The following DCLK1 variants were observed in gnomAD, a reference collection of about 807,000 sequenced individuals.
DCLK1 encodes the protein serine/threonine-protein kinase DCLK1.
A neutral mutation model predicts 86.2 loss-of-function variants in DCLK1; 16 were observed. The ratio of observed to expected loss-of-function variants is 0.19; its 90% CI spans 0.13 to 0.28. The LOEUF (loss-of-function observed/expected upper bound fraction) is 0.28. Ranked by LOEUF, DCLK1 falls within the 10% of genes least tolerant of loss-of-function variation. The pLI, the probability that DCLK1 is intolerant of heterozygous loss-of-function variation, is 1.00. For missense variants in DCLK1, 590 were observed against 940.2 expected, an observed-to-expected ratio of 0.63 and a Z score of 4.87; for synonymous variants, 369 against 370.5, an observed-to-expected ratio of 1.00 and a Z score of 0.05.
chr13:36,122,196 G>A (rs1225524771), intron 2 of DCLK1, among the ~76,000 whole-genome samples: 1 of 152,066 alleles, frequency 6.6e-6, no homozygotes, highest in African/African-American at 2.4e-5. Context: ...TAACTGTGGG[G>A]TGAAGCATGG....
intron 16 of DCLK1, among the ~76,000 whole-genome samples, chr13:35,788,523 T>C (rs1389779780): frequency 6.6e-6 from 1 of 152,224 alleles, no homozygotes; most frequent in Non-Finnish European, 1.5e-5. Context: ...AAACAAGTTT[T>C]TGAATGACCA....
intron 4 of DCLK1, among the ~76,000 whole-genome samples, chr13:35,896,172 C>T (rs74717281): frequency 0.012 from 1,886 of 152,180 alleles, 30 homozygotes; most frequent in African/African-American, 0.042. Flanking sequence ...TTAGAACACA[C>T]AATTTTCAGA....
At chr13:35,880,204 T>C (rs1279294488) in intron 4 of DCLK1, among the ~76,000 whole-genome samples, 2 of 152,154 alleles carry the variant, frequency 1.3e-5, no homozygotes, top group Non-Finnish European at 2.9e-5. Context: ...TCTGTTAAAA[T>C]TGGATTAGTA....
chr13:36,056,906 A>ATATATAT lies in DCLK1; in HGVS notation c.723+54962_723+54963insATATATA, dbSNP rs1555359541. Among the ~76,000 whole-genome samples the ATATATAT allele has an allele frequency of 1.9e-3, 241 of 130,156 alleles. 2 individuals are homozygous for ATATATAT. Among genetic ancestry groups the ATATATAT allele is most frequent in the Middle Eastern group, 8.7e-3 (2 of 230 alleles). 85.4% of individuals were successfully genotyped at this position (130,156 alleles called of 152,430 possible). The stretch of plus-strand genomic sequence containing the variant: ...GCAAGACTGTGACAAAAAAAAAAAA[A>ATATATAT]ATATATATATATATATATATACACA... On this transcript the variant is annotated intron_variant, in intron 3 of 16. Transcript: ENST00000360631.
At position 35,822,435 on chromosome 13, in the gene DCLK1, A is replaced by G. The variant is rs187279014; in HGVS notation, c.1554+294T>C. Among the ~76,000 whole-genome samples the G allele has an allele frequency of 6.6e-5, 10 of 152,260 alleles. No individual in the cohort carries two copies. In the East Asian group the frequency reaches 1.7e-3, roughly 27 times the overall value. On this transcript the variant is annotated intron_variant, in intron 11 of 16. Transcript: ENST00000360631. ...GATAAATGACATTTGTGTCTGTGTA[A>G]CTTGTCGCTATCTTGTCCTAGCCCA...
chr13:35,917,283 T>A (rs965526786), intron 4 of DCLK1, among the ~76,000 whole-genome samples: 6 of 152,270 alleles, frequency 3.9e-5, no homozygotes, highest in African/African-American at 1.2e-4. Context: ...GCCTCAGCCA[T>A]GAATCTACAA....
intron 3 of DCLK1, among the ~76,000 whole-genome samples, chr13:36,048,582 A>G (rs1228647012): frequency 6.6e-6 from 1 of 152,168 alleles, no homozygotes; most frequent in Non-Finnish European, 1.5e-5. Context: ...GTCTCACTCA[A>G]CTGAATAATT....
chr13:35,915,289 A>G (rs1290857724), intron 4 of DCLK1, among the ~76,000 whole-genome samples: 1 of 152,234 alleles, frequency 6.6e-6, no homozygotes, highest in Non-Finnish European at 1.5e-5. Flanking sequence ...TTGGGTAGTA[A>G]GTGTTGTAAC....
Position 35,827,760 on chromosome 13 carries a change from CA to C in DCLK1, c.1288-7del, listed in dbSNP as rs747131628. ...TCATTCTGGATCATGTGCTCCTGTC[CA>C]AAGGAAAAGTTATCTTCATCAGCTT... On this transcript the variant is annotated splice_region_variant and splice_polypyrimidine_tract_variant and intron_variant, in intron 9 of 16. Transcript: ENST00000360631. 2 of 1,613,186 alleles carry C rather than the reference CA, an allele frequency of 1.2e-6. No homozygotes were observed. Among genetic ancestry groups the C allele is most frequent in the Non-Finnish European group, 1.7e-6 (2 of 1,179,902 alleles).
intron 4 of DCLK1, among the ~76,000 whole-genome samples, chr13:35,923,951 T>C (rs7319248): frequency 0.06 from 9,072 of 152,218 alleles, 336 homozygotes; most frequent in South Asian, 0.11. Context: ...GGAGAGGTCA[T>C]TAAGGACCAG....
At chr13:36,077,928 T>A (rs1884268534) in intron 3 of DCLK1, among the ~76,000 whole-genome samples, 1 of 152,224 alleles carries the variant, frequency 6.6e-6, no homozygotes, top group Admixed American at 6.5e-5. Context: ...CTTTGGTGTG[T>A]CATAATCATT....
At position 36,042,228 on chromosome 13, in the gene DCLK1, C is replaced by T. The variant is rs574325201; in HGVS notation, c.723+69641G>A. Among the ~76,000 whole-genome samples, 101 of 152,278 alleles carry T rather than the reference C, an allele frequency of 6.6e-4. 2 individuals are homozygous for T. In the South Asian group the frequency reaches 0.011, roughly 17 times the overall value. On this transcript the variant is annotated intron_variant, in intron 3 of 16. Coordinates refer to ENST00000360631, the MANE Select transcript of DCLK1 (RefSeq NM_001330071.2). ...GTGGGACTGACACAGGCCATTTCCA[C>T]GCATATCCTAAATTTATTAAACATG...
chr13:36,096,664 C>A (rs1463478526), intron 3 of DCLK1, among the ~76,000 whole-genome samples: 2 of 152,070 alleles, frequency 1.3e-5, no homozygotes, highest in Non-Finnish European at 2.9e-5. Flanking sequence ...CACATGGAAG[C>A]CATATTTTAA....
At chr13:35,935,348 T>C (rs942747791) in intron 4 of DCLK1, among the ~76,000 whole-genome samples, 5 of 152,064 alleles carry the variant, frequency 3.3e-5, no homozygotes, top group African/African-American at 4.8e-5. Flanking sequence ...TGTGGAGAGA[T>C]GAAAAACTGC....
intron 3 of DCLK1, among the ~76,000 whole-genome samples, chr13:36,108,681 C>T (rs1885495081): frequency 6.6e-6 from 1 of 152,256 alleles, no homozygotes; most frequent in Non-Finnish European, 1.5e-5. Flanking sequence ...TTACTCAAAG[C>T]ACTCAAGCAA....
intron 6 of DCLK1, among the ~76,000 whole-genome samples, chr13:35,852,780 C>T (rs1166269419): frequency 2.0e-5 from 3 of 152,188 alleles, no homozygotes; most frequent in African/African-American, 7.2e-5. Context: ...AGCTTTACAT[C>T]CCTAAGCTGG....
chr13:35,832,967 T>G (rs745312583), intron 8 of DCLK1, among the ~76,000 whole-genome samples: 5 of 152,122 alleles, frequency 3.3e-5, no homozygotes, highest in Non-Finnish European at 7.4e-5. Flanking sequence ...TATAGACACA[T>G]GGTCGCTTTG....
intron 11 of DCLK1, among the ~76,000 whole-genome samples, chr13:35,811,322 GA>G (rs1456654330): frequency 2.7e-5 from 4 of 149,452 alleles, no homozygotes; most frequent in Admixed American, 6.7e-5. Context: ...GTCCATTAAA[GA>G]AAAAAAGTAC....
At position 36,066,372 on chromosome 13, in the gene DCLK1, C is replaced by T. The variant is rs118084101; in HGVS notation, c.723+45497G>A. Among the ~76,000 whole-genome samples the T allele has an allele frequency of 2.5e-3, 384 of 152,290 alleles. 12 individuals carry two copies. The East Asian group carries it at 0.07, about 28-fold the overall frequency. On this transcript the variant is annotated intron_variant, in intron 3 of 16. Transcript: ENST00000360631. ...TGGTCCTTGGCCACAACACTTCTTT[C>T]CTGGGCTGTAAAATGAGTCTAAATG...
Sources: gnomAD v4.1 joint callset for allele counts (sites outside exome capture counted in the v4.1 genomes callset) on GRCh38, gnomAD v4.1.1 for gene constraint, MANE v1.5 for transcripts, NCBI Gene and HGNC (gene_info 2026-07-23, HGNC 2026-07-21) for gene names.